Variants in WHRN observed in about 807,000 individuals in gnomAD.
WHRN encodes whirlin.
In WHRN, 41 loss-of-function variants were observed where a neutral mutation model predicts 68.3. The ratio of observed to expected loss-of-function variants is 0.60; its 90% CI spans 0.47 to 0.78. The LOEUF (loss-of-function observed/expected upper bound fraction) is 0.78, where lower values mean the gene tolerates loss of function less well. WHRN is among the 30% of genes least tolerant of loss of function. WHRN has a pLI of 0.00. For synonymous variants in WHRN, 560 were observed against 561.3 expected, an observed-to-expected ratio of 1.00 and a Z score of 0.03; for missense variants, 1,243 against 1,244.7, an observed-to-expected ratio of 1.00 and a Z score of 0.02.
At chr9:114,486,910 T>G (rs1470099686) in intron 1 of WHRN, among the ~76,000 whole-genome samples, 1 of 96,648 alleles carries the variant, frequency 1.0e-5, no homozygotes, top group African/African-American at 3.8e-5. Flanking sequence ...GTGTGTAGAG[T>G]GTGTGTGTGT....
intron 3 of WHRN, among the ~76,000 whole-genome samples, chr9:114,447,073 G>A (rs930569944): frequency 1.3e-5 from 2 of 152,078 alleles, no homozygotes; most frequent in South Asian, 2.1e-4. Context: ...CAACCAGACC[G>A]CACTCTTCAC....
At chr9:114,407,257 G>A (rs1835104166) in intron 8 of WHRN, among the ~76,000 whole-genome samples, 2 of 152,196 alleles carry the variant, frequency 1.3e-5, no homozygotes, top group Non-Finnish European at 2.9e-5. Flanking sequence ...GGGTGATCTT[G>A]AGTACTAGAG....
chr9:114,406,476 G>A lies in WHRN; in HGVS notation c.2115C>T (p.Pro705=), dbSNP rs373760153. The part of the protein sequence containing the change: ...EATVAGGCLL[P]PSPSGHPDQT... ...GGTCTGGGTGGCCAGAGGGTGATGGGGGCAGAAGGCAGCCCCCAGCCACTG... is the reference window on the plus strand; with the variant it reads ...GGTCTGGGTGGCCAGAGGGTGATGGAGGCAGAAGGCAGCCCCCAGCCACTG... The change falls in exon 9 of 12, where the codon CCC becomes CCT. Residue 705 remains proline (P), a synonymous_variant. Coordinates refer to ENST00000362057, the MANE Select transcript of WHRN (RefSeq NM_015404.4). 5.0e-6 allele frequency: 8 copies of A among 1,614,030 alleles called. No individual in the cohort carries two copies. Among genetic ancestry groups the A allele is most frequent in the Non-Finnish European group, 6.8e-6 (8 of 1,180,048 alleles).
intron 8 of WHRN, 152 bp downstream of exon 8, chr9:114,407,795 G>C: frequency 1.4e-6 from 1 of 700,328 alleles, no homozygotes; most frequent in South Asian, 1.6e-5. Flanking sequence ...CTTGTGCACA[G>C]ACCTGTAGCT....
chr9:114,497,511 G>GT (rs201924867), intron 1 of WHRN, among the ~76,000 whole-genome samples: 1,578 of 118,030 alleles, frequency 0.013, 53 homozygotes, highest in East Asian at 0.093. Context: ...TTTGTTTTTT[G>GT]TTTTTAAAAA....
At chr9:114,451,952 T>C (rs1297263598) in intron 3 of WHRN, among the ~76,000 whole-genome samples, 1 of 152,168 alleles carries the variant, frequency 6.6e-6, no homozygotes, top group Non-Finnish European at 1.5e-5. Context: ...CATTAAATGA[T>C]TCACTGTAGG....
intron 2 of WHRN, among the ~76,000 whole-genome samples, chr9:114,475,066 T>G (rs914294086): frequency 1.3e-5 from 2 of 152,150 alleles, no homozygotes; most frequent in Non-Finnish European, 2.9e-5. Flanking sequence ...TGTAACATGG[T>G]GCAGACACTA....
intron 3 of WHRN, among the ~76,000 whole-genome samples, chr9:114,462,023 G>A (rs909127844): frequency 3.3e-5 from 5 of 152,170 alleles, no homozygotes; most frequent in African/African-American, 9.7e-5. Context: ...CCACAAACAC[G>A]TGCTTACATG....
At chr9:114,499,215 GGAGA>G (rs1843717153) in intron 1 of WHRN, among the ~76,000 whole-genome samples, 1 of 152,162 alleles carries the variant, frequency 6.6e-6, no homozygotes, top group African/African-American at 2.4e-5. Flanking sequence ...GAAAAAGAAT[GGAGA>G]GAAAGTGATT....
At position 114,423,459 on chromosome 9, in the gene WHRN, A is replaced by T; in HGVS notation, c.1481T>A (p.Leu494Gln). The change falls in exon 7 of 12, where the codon CTG becomes CAG. Residue 494 changes from leucine to glutamine, a missense_variant. Transcript: ENST00000362057. ...SPQDLERFDH[L>Q]VLRREIESMK... ...GGACTCAATCTCACGCCTCAGCACC[A>T]GGTGGTCGAAGCGTTCTAGGTCTTG... 1 of 1,614,088 alleles carries T rather than the reference A, an allele frequency of 6.2e-7. No individual in the cohort carries two copies. Among genetic ancestry groups the T allele is most frequent in the Non-Finnish European group, 8.5e-7 (1 of 1,179,984 alleles).
intron 3 of WHRN, among the ~76,000 whole-genome samples, chr9:114,457,914 CA>C (rs11292103): frequency 0.71 from 87,151 of 123,374 alleles, 29,614 homozygotes; most frequent in East Asian, 0.93. Flanking sequence ...AGACTCTGTT[CA>C]AAAAAAAAAA....
At chr9:114,437,474 T>C (rs375193816) in intron 3 of WHRN, among the ~76,000 whole-genome samples, 4 of 152,334 alleles carry the variant, frequency 2.6e-5, no homozygotes, top group African/African-American at 7.2e-5. Context: ...CAGCATGTTA[T>C]GGGCTGAATG....
At chr9:114,466,918 TCTC>T (rs1840754427) in intron 2 of WHRN, among the ~76,000 whole-genome samples, 2 of 145,062 alleles carry the variant, frequency 1.4e-5, no homozygotes, top group Non-Finnish European at 1.5e-5. Context: ...TCCCCAGGGG[TCTC>T]CTATCATCTC....
At position 114,504,564 on chromosome 9, in the gene WHRN, C is replaced by G; in HGVS notation, c.238G>C (p.Val80Leu). Residue 80 changes from valine (V) to leucine (L), a missense_variant, in exon 1 of 12, where the codon GTG (valine) becomes CTG (leucine). Val to Leu is a conservative substitution (Grantham distance 32). Coordinates refer to ENST00000362057, the MANE Select transcript of WHRN (RefSeq NM_015404.4). ...NVFDLVRTLRVLLDSPVKRRL... is the reference protein window; with the variant it reads ...NVFDLVRTLRLLLDSPVKRRL... ...CGCTTGACCGGACTGTCCAGCAGCA[C>G]GCGCAGGGTGCGCACCAGGTCGAAG... The G allele has an allele frequency of 6.2e-7, 1 of 1,611,428 alleles. No homozygotes were observed. The highest frequency in any genetic ancestry group is 8.5e-7 in the Non-Finnish European group (1 of 1,179,812).
Position 114,411,799 on chromosome 9 carries a change from T to C in WHRN, c.1627-3781A>G, listed in dbSNP as rs755634. 8.8e-3 allele frequency among the ~76,000 whole-genome samples: 1,337 copies of C among 152,316 alleles called. 76 individuals are homozygous for C. Among genetic ancestry groups the C allele is most frequent in the Admixed American group, 0.08 (1,217 of 15,300 alleles). ...GAAGTTCAGAGAGGGAAGAGACTTG[T>C]CCAAGGTCATCTGACCGTTCTACAG... On this transcript the variant is annotated intron_variant, in intron 7 of 11. Transcript: ENST00000362057.
At chr9:114,437,698 T>C (rs1419256868) in intron 3 of WHRN, among the ~76,000 whole-genome samples, 1 of 152,222 alleles carries the variant, frequency 6.6e-6, no homozygotes, top group Non-Finnish European at 1.5e-5. Flanking sequence ...AGATAGCCCC[T>C]ATCAGGAACT....
At chr9:114,487,828 T>C (rs7018914) in intron 1 of WHRN, among the ~76,000 whole-genome samples, 5,133 of 152,290 alleles carry the variant, frequency 0.034, 284 homozygotes, top group African/African-American at 0.11. Context: ...CCTGACAATG[T>C]GGACAGGGCT....
intron 3 of WHRN, among the ~76,000 whole-genome samples, chr9:114,438,116 TC>T (rs1274226809): frequency 2.0e-5 from 3 of 152,036 alleles, no homozygotes; most frequent in Admixed American, 2.0e-4. Context: ...ATGCCTGTAG[TC>T]CCAGTTACCT....
chr9:114,504,975 G>T lies in WHRN; in HGVS notation c.-174C>A. 1.0e-6 allele frequency: 1 copy of T among 979,656 alleles called. No homozygotes were observed. Among genetic ancestry groups the T allele is most frequent in the Non-Finnish European group, 1.3e-6 (1 of 745,042 alleles). 60.7% of individuals were successfully genotyped at this position (979,656 alleles called of 1,614,324 possible). On this transcript the variant is annotated 5_prime_UTR_variant, in exon 1 of 12. Coordinates refer to ENST00000362057, the MANE Select transcript of WHRN (RefSeq NM_015404.4). Reference sequence around the variant, plus strand: ...ATCCTAGGGGGTCGCGGAGACCGCTGCTAGAGTCCCGGAGGCGCGAAGACG... The same window carrying T: ...ATCCTAGGGGGTCGCGGAGACCGCTTCTAGAGTCCCGGAGGCGCGAAGACG...
Sources: gnomAD v4.1 joint callset for allele counts (sites outside exome capture counted in the v4.1 genomes callset) on GRCh38, gnomAD v4.1.1 for gene constraint, MANE v1.5 for transcripts, NCBI Gene and HGNC (gene_info 2026-07-23, HGNC 2026-07-21) for gene names.